The following ZNF469 variants were observed in gnomAD, a reference collection of about 807,000 sequenced individuals.
ZNF469 encodes the protein zinc finger protein 469.
In ZNF469, 1 loss-of-function variant was observed where a neutral mutation model predicts 1.0. The observed-to-expected ratio is 1.00, with a 90% CI of 0.35 to 4.73. ZNF469 has a LOEUF of 4.73. ZNF469 is among the 30% of genes most tolerant of loss of function. ZNF469 has a pLI of 0.16. For synonymous variants in ZNF469, 2,703 were observed against 2,363.4 expected (o/e 1.14, Z -4.17); for missense variants, 6,100 against 5,356.3 (o/e 1.14, Z -4.33).
Position 88,431,726 on chromosome 16 carries a change from G to A in ZNF469, c.4256G>A (p.Gly1419Asp), listed in dbSNP as rs774882800. ...AGCAGCTCCTGCCTTTGCCAGGACG[G>A]CGAGGATGCCGGTTCCCTCGAGCCA... ...PASSSCLCQD[G>D]EDAGSLEPQL... Residue 1419 changes from glycine (G) to aspartate (D), a missense_variant, in exon 3 of 3, where the codon GGC (glycine) becomes GAC (aspartate). Coordinates refer to ENST00000565624, the MANE Select transcript of ZNF469 (RefSeq NM_001367624.2). 1.0e-5 allele frequency: 16 copies of A among 1,550,148 alleles called. No homozygotes were observed. Among genetic ancestry groups the A allele is most frequent in the South Asian group, 7.1e-5 (6 of 84,066 alleles).
chr16:88,362,699 C>T, the ZNF469 span, among the ~76,000 whole-genome samples: 1 of 152,146 alleles, frequency 6.6e-6, no homozygotes, highest in African/African-American at 2.4e-5. Flanking sequence ...CTGAATATAG[C>T]TTCTTTATAT....
chr16:88,208,170 G>A, the ZNF469 span, among the ~76,000 whole-genome samples: 36 of 151,722 alleles, frequency 2.4e-4, no homozygotes, highest in Non-Finnish European at 4.4e-4. Flanking sequence ...ACATTGTCCC[G>A]GGTTTGGTCG....
At chr16:88,179,527 C>T in the ZNF469 span, among the ~76,000 whole-genome samples, 12 of 152,180 alleles carry the variant, frequency 7.9e-5, no homozygotes, top group African/African-American at 2.7e-4. Context: ...AGTTGCCCGG[C>T]CCCAGGTGTC....
the ZNF469 span, among the ~76,000 whole-genome samples, chr16:88,168,471 G>A: frequency 1.4e-3 from 210 of 151,538 alleles, no homozygotes; most frequent in African/African-American, 5.0e-3. The surrounding 1 kb of genome is among the most constrained non-coding windows in gnomAD (Gnocchi z 4.3). Context: ...GTGTGGGGTC[G>A]CTCATGTGTG....
At chr16:88,245,265 G>T in the ZNF469 span, among the ~76,000 whole-genome samples, 1 of 152,216 alleles carries the variant, frequency 6.6e-6, no homozygotes, top group Non-Finnish European at 1.5e-5. Flanking sequence ...ATGTAGTAAG[G>T]ACTTCGGGCT....
the ZNF469 span, among the ~76,000 whole-genome samples, chr16:88,112,953 C>G: frequency 6.6e-6 from 1 of 151,566 alleles, no homozygotes; most frequent in African/African-American, 2.4e-5. Flanking sequence ...AATTTTTTTG[C>G]ATTTTTAGTA....
the ZNF469 span, among the ~76,000 whole-genome samples, chr16:88,277,338 C>T: frequency 9.9e-5 from 15 of 151,612 alleles, 1 homozygote; most frequent in East Asian, 5.8e-4. Context: ...TGCTGCACCA[C>T]GCTGACGCTC....
the ZNF469 span, among the ~76,000 whole-genome samples, chr16:88,172,818 T>A: frequency 6.6e-6 from 1 of 152,254 alleles, no homozygotes; most frequent in South Asian, 2.1e-4. Flanking sequence ...ATACCTGAAA[T>A]GAAAAATACA....
chr16:88,179,430 C>T, the ZNF469 span, among the ~76,000 whole-genome samples: 208 of 152,330 alleles, frequency 1.4e-3, 4 homozygotes, highest in African/African-American at 4.7e-3. Flanking sequence ...CAGGAGCAGC[C>T]GGAGGCCCCA....
the ZNF469 span, among the ~76,000 whole-genome samples, chr16:88,133,649 T>G: frequency 0.033 from 4,926 of 151,040 alleles, no homozygotes; most frequent in African/African-American, 0.11. Context: ...AAATTATAAA[T>G]AAAATAATGA....
At chr16:88,243,390 A>G in the ZNF469 span, among the ~76,000 whole-genome samples, 2 of 152,176 alleles carry the variant, frequency 1.3e-5, no homozygotes, top group East Asian at 1.9e-4. Context: ...GTTGGGATGT[A>G]AGATATACCC....
At chr16:88,197,155 C>G in the ZNF469 span, among the ~76,000 whole-genome samples, 1 of 152,318 alleles carries the variant, frequency 6.6e-6, no homozygotes, top group Non-Finnish European at 1.5e-5. Flanking sequence ...CTGGCTGTCC[C>G]TACCCTTCTA....
the ZNF469 span, among the ~76,000 whole-genome samples, chr16:88,174,476 GTCTATCTA>G: frequency 0.01 from 1,046 of 101,640 alleles, 53 homozygotes; most frequent in African/African-American, 0.035. Flanking sequence ...CTGTCTGTCT[GTCTATCTA>G]TCTATCTATC....
At chr16:88,219,086 G>A in the ZNF469 span, among the ~76,000 whole-genome samples, 25 of 150,018 alleles carry the variant, frequency 1.7e-4, no homozygotes, top group East Asian at 4.9e-3. Context: ...TCTTCAAGGA[G>A]AACTACAAAC....
At chr16:88,278,704 G>A in the ZNF469 span, among the ~76,000 whole-genome samples, 13 of 129,504 alleles carry the variant, frequency 1.0e-4, 2 homozygotes, top group African/African-American at 7.9e-5. Context: ...AGTGCTGTGC[G>A]ACACTGACGC....
chr16:88,351,579 C>T, the ZNF469 span, among the ~76,000 whole-genome samples: 8 of 152,138 alleles, frequency 5.3e-5, no homozygotes, highest in Non-Finnish European at 7.4e-5. Context: ...CCGTGTCCTC[C>T]GCGAAAGGAC....
At chr16:88,185,987 ACACT>A in the ZNF469 span, among the ~76,000 whole-genome samples, 31 of 152,316 alleles carry the variant, frequency 2.0e-4, no homozygotes, top group Middle Eastern at 3.4e-3. Context: ...CCAGACACAC[ACACT>A]CACACATTCG....
the ZNF469 span, among the ~76,000 whole-genome samples, chr16:88,218,753 G>C: frequency 6.6e-6 from 1 of 151,822 alleles, no homozygotes; most frequent in East Asian, 1.9e-4. Context: ...ACATAGTGTT[G>C]GAAGTTCTGG....
the ZNF469 span, among the ~76,000 whole-genome samples, chr16:88,165,744 C>A: frequency 2.0e-5 from 3 of 152,208 alleles, no homozygotes; most frequent in African/African-American, 7.2e-5. Context: ...TTTGATTCCA[C>A]ACTGAAACTG....
Sources: allele counts gnomAD v4.1 joint callset (sites outside exome capture counted in the v4.1 genomes callset), GRCh38; gene constraint gnomAD v4.1.1; non-coding constraint Gnocchi (gnomAD v3.1); transcripts MANE v1.5; gene names NCBI Gene and HGNC (gene_info 2026-07-23, HGNC 2026-07-21).